MAP3K1: variants seen among roughly 807,000 people sequenced by gnomAD.
MAP3K1 encodes the protein MAP/ERK kinase kinase 1.
A neutral mutation model predicts 144.2 loss-of-function variants in MAP3K1; 36 were observed. That is an observed-to-expected ratio of 0.25 (90% CI 0.19 to 0.33). The LOEUF is 0.33. MAP3K1 is among the 10% of genes least tolerant of loss of function. The probability of loss-of-function intolerance (pLI) is 1.00; values close to 1 mark genes in which losing one functional copy is unlikely to be tolerated. For missense variants in MAP3K1, 1,650 were observed against 1,881.9 expected, an observed-to-expected ratio of 0.88 and a Z score of 2.28; for synonymous variants, 718 against 688.7, an observed-to-expected ratio of 1.04 and a Z score of -0.67.
intron 19 of MAP3K1, among the ~76,000 whole-genome samples, chr5:56,889,076 T>TA (rs1424593843): frequency 6.6e-6 from 1 of 152,260 alleles, no homozygotes; most frequent in African/African-American, 2.4e-5. Context: ...TGTGTATATA[T>TA]ATCCATCCAT....
chr5:56,846,413 C>T (rs186460135), intron 1 of MAP3K1, among the ~76,000 whole-genome samples: 1 of 152,290 alleles, frequency 6.6e-6, no homozygotes, highest in East Asian at 1.9e-4. Context: ...TCTTCCTTCA[C>T]CTCCTGCTTT....
intron 1 of MAP3K1, chr5:56,820,750 A>C: frequency 1.0e-6 from 1 of 985,444 alleles, no homozygotes; most frequent in East Asian, 1.1e-4. Flanking sequence ...ACATTTATGA[A>C]CTTCTGCAAG....
At chr5:56,872,776 T>A (rs973824621) in intron 8 of MAP3K1, 49 bp from the exon 9 acceptor site, 3 of 1,607,124 alleles carry the variant, frequency 1.9e-6, no homozygotes, top group Non-Finnish European at 2.6e-6. Context: ...TTTCTCAGTG[T>A]GGTTTGTCTT....
chr5:56,821,154 T>A (rs1283892523), intron 1 of MAP3K1, among the ~76,000 whole-genome samples: 1 of 152,248 alleles, frequency 6.6e-6, no homozygotes, highest in Non-Finnish European at 1.5e-5. Flanking sequence ...CTTGTCTTTA[T>A]TTACTCTATG....
chr5:56,891,158 CCCA>C lies in MAP3K1; in HGVS notation c.4390-2371_4390-2369del, dbSNP rs754161412. Among the ~76,000 whole-genome samples the C allele has an allele frequency of 5.5e-3, 749 of 136,408 alleles. 9 individuals carry two copies. Among genetic ancestry groups the C allele is most frequent in the African/African-American group, 0.019 (698 of 36,710 alleles). 89.5% of individuals were successfully genotyped at this position (136,408 alleles called of 152,430 possible). A position where few individuals can be genotyped will look rare whatever the true frequency, so the allele number is the denominator to read the frequency against. ...CACAGACACACACACACCCCCCCCC[CCCA>C]CACACACACACACAAATCATCAGTA... On this transcript the variant is annotated intron_variant, in intron 19 of 19. Transcript: ENST00000399503.
intron 1 of MAP3K1, among the ~76,000 whole-genome samples, chr5:56,853,012 T>A (rs568781991): frequency 8.5e-5 from 13 of 152,224 alleles, no homozygotes; most frequent in East Asian, 3.9e-4. Context: ...TGTAAAAAAA[T>A]TTTTCACAGT....
chr5:56,837,155 C>G (rs979789098), intron 1 of MAP3K1, among the ~76,000 whole-genome samples: 1 of 151,738 alleles, frequency 6.6e-6, no homozygotes, highest in Non-Finnish European at 1.5e-5. Context: ...TCCCTTTCTT[C>G]CTCTTGGGTT....
Position 56,895,321 on chromosome 5 carries a change from T to G in MAP3K1, c.*1641T>G. The stretch of plus-strand genomic sequence containing the variant: ...TTAAAAATAGTACAGAAATGTGAAG[T>G]TTGGTATCTCTAAATGTGTTGTACT... On this transcript the variant is annotated 3_prime_UTR_variant, in exon 20 of 20. Coordinates refer to ENST00000399503, the MANE Select transcript of MAP3K1 (RefSeq NM_005921.2). The G allele has an allele frequency of 4.3e-6, 1 of 232,096 alleles. No individual in the cohort carries two copies. Among genetic ancestry groups the G allele is most frequent in the East Asian group, 6.1e-5 (1 of 16,394 alleles). 14.4% of individuals were successfully genotyped at this position (232,096 alleles called of 1,614,324 possible).
At chr5:56,879,747 T>C (rs1006468587) in intron 11 of MAP3K1, among the ~76,000 whole-genome samples, 1 of 152,172 alleles carries the variant, frequency 6.6e-6, no homozygotes, top group Non-Finnish European at 1.5e-5. Flanking sequence ...TTCCATAAAA[T>C]AGGAGGAAAA....
At chr5:56,842,599 A>G (rs1746847965) in intron 1 of MAP3K1, among the ~76,000 whole-genome samples, 1 of 152,222 alleles carries the variant, frequency 6.6e-6, no homozygotes, top group African/African-American at 2.4e-5. Flanking sequence ...CAAGTACTTC[A>G]TCCATGTTCA....
At chr5:56,856,217 T>C (rs966205853) in intron 1 of MAP3K1, among the ~76,000 whole-genome samples, 2 of 152,248 alleles carry the variant, frequency 1.3e-5, no homozygotes, top group Non-Finnish European at 2.9e-5. Context: ...TAAATCAGCA[T>C]ATCCACCAGA....
chr5:56,882,545 A>G lies in MAP3K1; in HGVS notation c.3345A>G (p.Pro1115=). The part of the protein sequence containing the change: ...VIPSDETVFT[P]VEEKCRLDVN... ...CCAGTGACGAGACAGTGTTCACCCC[A>G]GTAGAGGAGAAATGCAGATTAGATG... The change falls in exon 14 of 20, where the codon CCA becomes CCG. Residue 1115 remains proline (P), a synonymous_variant. Transcript: ENST00000399503. 1 of 1,614,132 alleles carries G rather than the reference A, an allele frequency of 6.2e-7. No individual in the cohort carries two copies. The highest frequency in any genetic ancestry group is 8.5e-7 in the Non-Finnish European group (1 of 1,179,998).
Position 56,849,783 on chromosome 5 carries a change from G to C in MAP3K1, c.483-6817G>C, listed in dbSNP as rs79615680. ...GGTTTTGGTTTTGGTTTTGTTTGCAGATGCCTCAGATCTAGGTCAACAGAT... is the reference window on the plus strand; with the variant it reads ...GGTTTTGGTTTTGGTTTTGTTTGCACATGCCTCAGATCTAGGTCAACAGAT... On this transcript the variant is annotated intron_variant, in intron 1 of 19. Transcript: ENST00000399503. 7.5e-3 allele frequency among the ~76,000 whole-genome samples: 1,139 copies of C among 152,260 alleles called. 12 individuals carry two copies. The highest frequency in any genetic ancestry group is 0.026 in the African/African-American group (1,072 of 41,558).
intron 19 of MAP3K1, among the ~76,000 whole-genome samples, chr5:56,889,574 A>G (rs1239097746): frequency 1.3e-5 from 2 of 152,168 alleles, no homozygotes; most frequent in African/African-American, 2.4e-5. Flanking sequence ...CCACCATAGA[A>G]TAAGTAATGG....
Position 56,864,823 on chromosome 5 carries a change from T to A in MAP3K1, c.924T>A (p.Val308=). 2 of 1,614,142 alleles carry A rather than the reference T, an allele frequency of 1.2e-6. No homozygotes were observed. The highest frequency in any genetic ancestry group is 1.7e-6 in the Non-Finnish European group (2 of 1,180,012). The change falls in exon 4 of 20, where the codon GTT becomes GTA. Residue 308 remains valine (V), a synonymous_variant. Transcript: ENST00000399503. The stretch of plus-strand genomic sequence containing the variant: ...GCCCTGAGGAAACAAACCGCCGTGT[T>A]AACAAAGTGATGCGGGCCAGACTGT... The part of the protein sequence containing the change: ...PYSPEETNRR[V]NKVMRARLYL...
intron 1 of MAP3K1, among the ~76,000 whole-genome samples, chr5:56,828,110 C>G (rs1269559146): frequency 6.6e-6 from 1 of 152,146 alleles, no homozygotes; most frequent in South Asian, 2.1e-4. Flanking sequence ...AGAGCCTCCC[C>G]CAAGGTTGCT....
chr5:56,824,625 T>G (rs73133597), intron 1 of MAP3K1, among the ~76,000 whole-genome samples: 15 of 152,258 alleles, frequency 9.9e-5, no homozygotes, highest in African/African-American at 3.6e-4. Context: ...TGAAGTGAAG[T>G]TGGAAAGCTT....
intron 1 of MAP3K1, chr5:56,851,897 G>C (rs1747184235): frequency 6.6e-6 from 1 of 152,288 alleles, no homozygotes; most frequent in Non-Finnish European, 1.5e-5. Context: ...ATGAATAAGA[G>C]GGAACTTGTC....
chr5:56,855,071 C>T (rs1171673049), intron 1 of MAP3K1, among the ~76,000 whole-genome samples: 3 of 152,030 alleles, frequency 2.0e-5, no homozygotes, highest in African/African-American at 7.2e-5. Context: ...CACTTTATCC[C>T]CTGTGTTCTT....
Sources: allele counts gnomAD v4.1 joint callset (sites outside exome capture counted in the v4.1 genomes callset), GRCh38; gene constraint gnomAD v4.1.1; transcripts MANE v1.5; gene names NCBI Gene and HGNC (gene_info 2026-07-23, HGNC 2026-07-21).